Variants in PLCL1 observed in about 807,000 individuals in gnomAD.
PLCL1 encodes inactive phospholipase C-like protein 1.
Under a neutral mutation model 84.4 loss-of-function variants are expected in PLCL1, and 41 were observed. The observed-to-expected ratio is 0.49, with a 90% CI of 0.38 to 0.63. The LOEUF is 0.63. Among genes scored for constraint, PLCL1 ranks in the 30% least tolerant of loss-of-function variants. PLCL1 has a pLI of 0.00. For synonymous variants in PLCL1, 490 were observed against 488.3 expected (o/e 1.00, Z -0.05); for missense variants, 1,206 against 1,367.8 (o/e 0.88, Z 1.87).
At chr2:197,892,980 C>A (rs1447643758) in intron 1 of PLCL1, among the ~76,000 whole-genome samples, 5 of 151,916 alleles carry the variant, frequency 3.3e-5, no homozygotes, top group Non-Finnish European at 7.4e-5. Context: ...GGGCAAGAGA[C>A]CATCTCAAAA....
At chr2:197,903,723 T>C (rs1688319334) in intron 1 of PLCL1, among the ~76,000 whole-genome samples, 1 of 142,478 alleles carries the variant, frequency 7.0e-6, no homozygotes, top group South Asian at 2.3e-4. Flanking sequence ...CGGGATGGTC[T>C]CGATCTCCTG....
At chr2:197,977,108 G>T (rs941769108) in intron 1 of PLCL1, among the ~76,000 whole-genome samples, 6 of 151,966 alleles carry the variant, frequency 3.9e-5, no homozygotes, top group Non-Finnish European at 5.9e-5. Context: ...ATTTCTCTCC[G>T]CCTCCTCTTG....
At chr2:197,875,992 A>C (rs1418235281) in intron 1 of PLCL1, among the ~76,000 whole-genome samples, 2 of 152,204 alleles carry the variant, frequency 1.3e-5, no homozygotes, top group Non-Finnish European at 2.9e-5. Context: ...ACACTGCTAC[A>C]GTCATAGATA....
intron 1 of PLCL1, among the ~76,000 whole-genome samples, chr2:197,865,497 G>A (rs1362449148): frequency 1.8e-4 from 27 of 152,286 alleles, no homozygotes; most frequent in African/African-American, 2.4e-5. Context: ...GGAAGGGGCA[G>A]GGGAGATCAG....
intron 1 of PLCL1, among the ~76,000 whole-genome samples, chr2:197,965,057 T>A (rs1409933040): frequency 6.6e-6 from 1 of 152,176 alleles, no homozygotes; most frequent in Non-Finnish European, 1.5e-5. Context: ...TGCATCAGGG[T>A]AATACTGGAC....
chr2:198,085,569 G>T lies in PLCL1; in HGVS notation c.2052G>T (p.Trp684Cys), dbSNP rs6741084. The part of the protein sequence containing the change: ...PGPMMDLHTG[W>C]FLQNGGCGYV... ...CAATGATGGACCTTCACACGGGCTG[G>T]TTTCTTCAAAACGGGGGATGTGGTT... The change falls in exon 2 of 6, where the codon TGG (tryptophan) becomes TGT (cysteine). Residue 684 changes from tryptophan to cysteine, a missense_variant. Transcript: ENST00000428675. The surrounding 1 kb of genome is among the most constrained non-coding windows in gnomAD (Gnocchi z 5.3). The T allele has an allele frequency of 3.8e-4, 618 of 1,614,116 alleles. 2 individuals carry two copies. In the African/African-American group the frequency reaches 7.7e-3, roughly 20 times the overall value.
intron 5 of PLCL1, among the ~76,000 whole-genome samples, chr2:198,118,017 A>T (rs1475012639): frequency 6.6e-6 from 1 of 151,860 alleles, no homozygotes; most frequent in African/African-American, 2.4e-5. Context: ...ATATTAAACA[A>T]CTCACTTATT....
chr2:198,068,871 A>C (rs767743916), intron 1 of PLCL1, among the ~76,000 whole-genome samples: 1 of 151,988 alleles, frequency 6.6e-6, no homozygotes, highest in African/African-American at 2.4e-5. Context: ...AAAATACAAA[A>C]AATTAGCCAG....
At chr2:197,867,472 G>A (rs1687572384) in intron 1 of PLCL1, among the ~76,000 whole-genome samples, 1 of 151,970 alleles carries the variant, frequency 6.6e-6, no homozygotes, top group South Asian at 2.1e-4. Flanking sequence ...TCTTCGAGGA[G>A]TACTTGGCAA....
At chr2:197,870,023 A>G (rs1265135970) in intron 1 of PLCL1, among the ~76,000 whole-genome samples, 1 of 152,166 alleles carries the variant, frequency 6.6e-6, no homozygotes, top group Non-Finnish European at 1.5e-5. Context: ...AGGAAGGGTA[A>G]TAAAGATTCC....
intron 1 of PLCL1, among the ~76,000 whole-genome samples, chr2:197,992,039 A>G (rs918172946): frequency 6.7e-6 from 1 of 149,714 alleles, no homozygotes; most frequent in African/African-American, 2.5e-5. Flanking sequence ...GCTTCTCAGC[A>G]TTCATTTTTT....
intron 1 of PLCL1, among the ~76,000 whole-genome samples, chr2:197,839,030 C>G (rs1376433759): frequency 6.6e-6 from 1 of 152,174 alleles, no homozygotes; most frequent in Admixed American, 6.5e-5. Context: ...CTGCTCTGTT[C>G]AGTTTTTGAA....
chr2:198,051,758 C>T (rs528031235), intron 1 of PLCL1, among the ~76,000 whole-genome samples: 8 of 152,040 alleles, frequency 5.3e-5, no homozygotes, highest in Non-Finnish European at 8.8e-5. Flanking sequence ...TTTATTTAGA[C>T]GGCGTCTTGC....
intron 3 of PLCL1, among the ~76,000 whole-genome samples, chr2:198,094,115 A>T (rs532741853): frequency 6.6e-6 from 1 of 151,982 alleles, no homozygotes; most frequent in Non-Finnish European, 1.5e-5. Context: ...AGACTGGAGT[A>T]CAGTGGCGCG....
intron 1 of PLCL1, among the ~76,000 whole-genome samples, chr2:197,996,853 G>A (rs1455367884): frequency 6.6e-6 from 1 of 152,184 alleles, no homozygotes; most frequent in East Asian, 1.9e-4. Flanking sequence ...ATTGCATGGA[G>A]GAGGGGAGGT....
chr2:198,085,614 A>T lies in PLCL1; in HGVS notation c.2097A>T (p.Ile699=). 1 of 1,614,148 alleles carries T rather than the reference A, an allele frequency of 6.2e-7. No individual in the cohort carries two copies. Among genetic ancestry groups the T allele is most frequent in the Non-Finnish European group, 8.5e-7 (1 of 1,179,990 alleles). The change falls in exon 2 of 6, where the codon ATA becomes ATT. Residue 699 remains isoleucine, a synonymous_variant. Coordinates refer to ENST00000428675, the MANE Select transcript of PLCL1 (RefSeq NM_006226.4). The surrounding 1 kb of genome is among the most constrained non-coding windows in gnomAD (Gnocchi z 5.3). ...GTGGTTATGTTCTAAGGCCGTCTATAATGCGAGATGAAGTTTCTTACTTCA... is the reference window on the plus strand; with the variant it reads ...GTGGTTATGTTCTAAGGCCGTCTATTATGCGAGATGAAGTTTCTTACTTCA... ...GGCGYVLRPS[I]MRDEVSYFSA...
At chr2:197,812,244 T>G (rs1257394335) in intron 1 of PLCL1, among the ~76,000 whole-genome samples, 1 of 152,338 alleles carries the variant, frequency 6.6e-6, no homozygotes, top group South Asian at 2.1e-4. Context: ...TTTTTGCTAT[T>G]GTGAAGAGTG....
At chr2:197,922,894 G>A (rs1178885515) in intron 1 of PLCL1, among the ~76,000 whole-genome samples, 85 of 129,434 alleles carry the variant, frequency 6.6e-4, no homozygotes, top group East Asian at 3.4e-3. Flanking sequence ...GCGGCTGGCC[G>A]GGCGGGGGGC....
At position 197,981,872 on chromosome 2, in the gene PLCL1, A is replaced by G. The variant is rs913675466; in HGVS notation, c.241-101886A>G. Among the ~76,000 whole-genome samples the G allele has an allele frequency of 6.6e-5, 10 of 152,354 alleles. No homozygotes were observed. The East Asian group carries it at 1.7e-3, about 26-fold the overall frequency. ...TAACCCAGGAGAGGCCAGCTGTCTT[A>G]TCTAAAGTCACAACCTAGAAGGGAT... On this transcript the variant is annotated intron_variant, in intron 1 of 5. Transcript: ENST00000428675.
Sources: gnomAD v4.1 joint callset for allele counts (sites outside exome capture counted in the v4.1 genomes callset) on GRCh38, gnomAD v4.1.1 for gene constraint, Gnocchi (gnomAD v3.1) non-coding constraint, MANE v1.5 for transcripts, NCBI Gene and HGNC (gene_info 2026-07-23, HGNC 2026-07-21) for gene names.